The following MICALL2 variants were observed in gnomAD, a reference collection of about 807,000 sequenced individuals.
MICALL2 encodes the protein MICAL like 2.
Under a neutral mutation model 91.1 loss-of-function variants are expected in MICALL2, and 111 were observed. The observed-to-expected ratio is 1.22, with a 90% CI of 1.04 to 1.43. The LOEUF is 1.43. MICALL2 is among the 40% of genes most tolerant of loss of function. MICALL2 has a pLI of 0.00. For synonymous variants in MICALL2, 694 were observed against 525.3 expected (o/e 1.32, Z -4.39); for missense variants, 1,556 against 1,236.0 (o/e 1.26, Z -3.88).
intron 10 of MICALL2, 39 bp from the exon 11 acceptor site, chr7:1,438,392 A>C: frequency 6.4e-7 from 1 of 1,571,904 alleles, no homozygotes; most frequent in Admixed American, 1.8e-5. Flanking sequence ...GACCTGGGCC[A>C]CCAGGCCCAA....
rs1780331112 is a variant in MICALL2, at chr7:1,442,339, T to A, written c.1564A>T (p.Thr522Ser). The stretch of plus-strand genomic sequence containing the variant: ...GCGGATGCCTGAGAGGTACTGCTCG[T>A]GCTCAGCGGGGCTGGCGGTTCCATC... ...SRMEPPAPLS[T>S]SSTSQASALP... The change falls in exon 7 of 17, where the codon ACG becomes TCG. Residue 522 changes from threonine (T) to serine (S), a missense_variant. By Grantham distance (58) the Thr-to-Ser change is moderately conservative. Coordinates refer to ENST00000297508, the MANE Select transcript of MICALL2 (RefSeq NM_182924.4). 1.2e-6 allele frequency: 2 copies of A among 1,612,976 alleles called. No individual in the cohort carries two copies. The highest frequency in any genetic ancestry group is 1.3e-5 in the African/African-American group (1 of 74,930).
rs755064176 is a variant in MICALL2, at chr7:1,434,617, G to A, written c.2694C>T (p.Ser898=). ...GCTACTACTGGGAGGGGCTGCTTTT[G>A]CTTTTTGGTGACCAGATCTTGGACA... ...FRLSKIWSPK[S]KSSPSQ Residue 898 remains serine, a synonymous_variant, in exon 17 of 17, where the codon AGC becomes AGT. Coordinates refer to ENST00000297508, the MANE Select transcript of MICALL2 (RefSeq NM_182924.4). 3 of 1,589,650 alleles carry A rather than the reference G, an allele frequency of 1.9e-6. No individual in the cohort carries two copies. The highest frequency in any genetic ancestry group is 1.9e-5 in the Admixed American group (1 of 52,180).
chr7:1,445,534 C>T (rs1311274585), intron 5 of MICALL2, 106 bp from the exon 6 acceptor site: 6 of 1,179,252 alleles, frequency 5.1e-6, no homozygotes, highest in South Asian at 3.2e-5. Flanking sequence ...TGTCCACTTG[C>T]GAGGTTGCTG....
At position 1,442,294 on chromosome 7, in the gene MICALL2, TCCTG is replaced by T. The variant is rs1173602952; in HGVS notation, c.1605_1608del (p.Arg536GlyfsTer32). Reference sequence around the variant, plus strand: ...ACCCCTGAGGATTCCGCCAAGTTCCTCCTGCCTGCCGGGGGCAACGCGGATGCCT... The same window carrying T: ...ACCCCTGAGGATTCCGCCAAGTTCCTCCTGCCGGGGGCAACGCGGATGCCT... On this transcript the variant is annotated frameshift_variant, in exon 7 of 17. Coordinates refer to ENST00000297508, the MANE Select transcript of MICALL2 (RefSeq NM_182924.4). LOFTEE classifies it high-confidence loss of function. The T allele has an allele frequency of 8.7e-6, 14 of 1,612,954 alleles. No individual in the cohort carries two copies. The highest frequency in any genetic ancestry group is 1.2e-5 in the Non-Finnish European group (14 of 1,179,928).
In MICALL2 at chr7:1,447,699, G is replaced by T; in HGVS notation, c.401C>A (p.Ala134Asp). The T allele has an allele frequency of 6.3e-7, 1 of 1,580,010 alleles. No homozygotes were observed. Among genetic ancestry groups the T allele is most frequent in the Non-Finnish European group, 8.6e-7 (1 of 1,163,824 alleles). ...DSEEEPSGKK[A>D]PVQAAKLPSP... Reference sequence around the variant, plus strand: ...GGGCAGCTTGGCCGCCTGGACTGGAGCCTTCTTCCCTGACGGCTCCTCCTC... The same window carrying T: ...GGGCAGCTTGGCCGCCTGGACTGGATCCTTCTTCCCTGACGGCTCCTCCTC... Residue 134 changes from alanine (A) to aspartate (D), a missense_variant, in exon 4 of 17, where the codon GCT becomes GAT. Transcript: ENST00000297508.
chr7:1,458,272 G>A (rs1051810447), intron 1 of MICALL2, among the ~76,000 whole-genome samples: 1 of 152,198 alleles, frequency 6.6e-6, no homozygotes, highest in African/African-American at 2.4e-5. Context: ...CTGCACAGCT[G>A]CGGCCTGACA....
At position 1,435,154 on chromosome 7, in the gene MICALL2, C is replaced by T. The variant is rs368731475; in HGVS notation, c.2592-7G>A. On this transcript the variant is annotated splice_polypyrimidine_tract_variant and splice_region_variant and intron_variant, in intron 15 of 16. Coordinates refer to ENST00000297508, the MANE Select transcript of MICALL2 (RefSeq NM_182924.4). ...CTGATCCTCCTCTTGTTCCCTGAAA[C>T]GGGACCAGATGGCCATGAGCGACAA... is the stretch of plus-strand genomic sequence containing the variant. 101 of 1,613,334 alleles carry T rather than the reference C, an allele frequency of 6.3e-5. No individual in the cohort carries two copies. Among genetic ancestry groups the T allele is most frequent in the African/African-American group, 1.3e-4 (10 of 74,906 alleles).
In MICALL2 at chr7:1,442,287, A is replaced by T; in HGVS notation, c.1616T>A (p.Leu539Ter). 1.2e-6 allele frequency: 2 copies of T among 1,612,986 alleles called. No individual in the cohort carries two copies. The highest frequency in any genetic ancestry group is 1.7e-6 in the Non-Finnish European group (2 of 1,179,918). Reference sequence around the variant, plus strand: ...CCTGCCGACCCCTGAGGATTCCGCCAAGTTCCTCCTGCCTGCCGGGGGCAA... The same window carrying T: ...CCTGCCGACCCCTGAGGATTCCGCCTAGTTCCTCCTGCCTGCCGGGGGCAA... The part of the protein sequence containing the change: ...SALPPAGRRN[L>*]AESSGVGRVG... Residue 539 changes from leucine (L) to a stop codon, truncating the protein, a stop_gained, in exon 7 of 17, where the codon TTG becomes TAG. Coordinates refer to ENST00000297508, the MANE Select transcript of MICALL2 (RefSeq NM_182924.4). LOFTEE classifies it high-confidence loss of function.
chr7:1,448,264 C>T (rs981637940), intron 3 of MICALL2, among the ~76,000 whole-genome samples: 1 of 152,256 alleles, frequency 6.6e-6, no homozygotes, highest in Non-Finnish European at 1.5e-5. Context: ...GGCACAGAAG[C>T]TCAGGGGTCC....
rs200145819 is a variant in MICALL2, at chr7:1,450,226, C to T, written c.192+14G>A. ...GGCTAAGCCAGCTGTGAGGCCGGGG[C>T]GGGGGCCACTCACCAGTTTATTGTT... On this transcript the variant is annotated intron_variant, in intron 2 of 16. Coordinates refer to ENST00000297508, the MANE Select transcript of MICALL2 (RefSeq NM_182924.4). 1.5e-4 allele frequency: 238 copies of T among 1,610,740 alleles called. 2 individuals are homozygous for T. In the East Asian group the frequency reaches 3.3e-3, roughly 22 times the overall value.
Position 1,451,361 on chromosome 7 carries a change from G to A in MICALL2, c.144-1073C>T, listed in dbSNP as rs998839765. 1.1e-4 allele frequency among the ~76,000 whole-genome samples: 17 copies of A among 152,146 alleles called. No individual in the cohort carries two copies. Among genetic ancestry groups the A allele is most frequent in the African/African-American group, 4.1e-4 (17 of 41,428 alleles). ...CACGGGCTGCGGCTTCTGGGAGGGA[G>A]GGTTGGTTAAATCATGATCTGGAAG... On this transcript the variant is annotated intron_variant, in intron 1 of 16. Coordinates refer to ENST00000297508, the MANE Select transcript of MICALL2 (RefSeq NM_182924.4). This position sits in a 1 kb window ranked among gnomAD's most constrained non-coding sequence, Gnocchi z 4.5.
chr7:1,447,767 TG>T lies in MICALL2; in HGVS notation c.335-3del. On this transcript the variant is annotated splice_region_variant and splice_polypyrimidine_tract_variant and intron_variant, in intron 3 of 16. Coordinates refer to ENST00000297508, the MANE Select transcript of MICALL2 (RefSeq NM_182924.4). ...TCTTCACGCCTGCCATGCCCCCAAC[TG>T]GAGGAATCAAGCAGGGATCGGGAGG... The T allele has an allele frequency of 6.6e-7, 1 of 1,526,224 alleles. No homozygotes were observed. The highest frequency in any genetic ancestry group is 2.0e-5 in the Admixed American group (1 of 49,720). 94.5% of individuals were successfully genotyped at this position (1,526,224 alleles called of 1,614,324 possible).
intron 1 of MICALL2, among the ~76,000 whole-genome samples, chr7:1,454,034 T>G (rs12536136): frequency 6.6e-6 from 1 of 152,030 alleles, no homozygotes; most frequent in Non-Finnish European, 1.5e-5. Context: ...GACCATCAAC[T>G]TCAGCCCATG....
chr7:1,453,704 G>A (rs563840704), intron 1 of MICALL2, among the ~76,000 whole-genome samples: 10 of 152,100 alleles, frequency 6.6e-5, no homozygotes, highest in African/African-American at 2.4e-4. Flanking sequence ...GCTGCAGGTT[G>A]CCCACCTCCG....
At chr7:1,437,640 T>G in intron 13 of MICALL2, 32 bp from the exon 14 acceptor site, 1 of 1,535,118 alleles carries the variant, frequency 6.5e-7, no homozygotes, top group Non-Finnish European at 8.7e-7. Context: ...GAGGCCTGAC[T>G]CTGCCGCCCT....
intron 5 of MICALL2, 96 bp from the exon 6 acceptor site, chr7:1,445,524 T>G (rs1780533921): frequency 1.1e-5 from 14 of 1,236,884 alleles, no homozygotes; most frequent in Non-Finnish European, 1.5e-5. Flanking sequence ...CGGACTCCTG[T>G]GTCCACTTGC....
At chr7:1,439,279 A>T (rs1217585291) in intron 9 of MICALL2, 1 of 444,548 alleles carries the variant, frequency 2.2e-6, no homozygotes, top group Non-Finnish European at 4.1e-6. Context: ...AGTGCTAGGA[A>T]TACACACAGA....
At chr7:1,448,532 G>A (rs907415378) in intron 3 of MICALL2, 88 bp downstream of exon 3, 300 of 1,361,062 alleles carry the variant, frequency 2.2e-4, no homozygotes, top group Non-Finnish European at 3.0e-4. Flanking sequence ...GGCTGGGCAT[G>A]GACCCCAAAA....
Position 1,438,151 on chromosome 7 carries a change from C to T in MICALL2, c.2257G>A (p.Ala753Thr), listed in dbSNP as rs187391312. 8.3e-6 allele frequency: 13 copies of T among 1,561,298 alleles called. No individual in the cohort carries two copies. The highest frequency in any genetic ancestry group is 8.1e-5 in the African/African-American group (6 of 73,796). ...QLQDIERRLD[A>T]LELRGVELEK... ...AGCTCCACGCCGCGGAGCTCCAGGG[C>T]GTCCAGCCGCCTCTCGATGTCCTGC... The change falls in exon 12 of 17, where the codon GCC (alanine) becomes ACC (threonine). Residue 753 changes from alanine to threonine, a missense_variant. Coordinates refer to ENST00000297508, the MANE Select transcript of MICALL2 (RefSeq NM_182924.4).
Sources: allele counts gnomAD v4.1 joint callset (sites outside exome capture counted in the v4.1 genomes callset), GRCh38; gene constraint gnomAD v4.1.1; non-coding constraint Gnocchi (gnomAD v3.1); transcripts MANE v1.5; gene names NCBI Gene and HGNC (gene_info 2026-07-23, HGNC 2026-07-21).